The following PDE11A variants were observed in gnomAD, a reference collection of about 807,000 sequenced individuals.
PDE11A encodes the protein phosphodiesterase 11A.
Under a neutral mutation model 100.5 loss-of-function variants are expected in PDE11A, and 100 were observed. That is an observed-to-expected ratio of 1.00 (90% CI 0.85 to 1.18). The LOEUF (loss-of-function observed/expected upper bound fraction) is 1.18, where lower values mean the gene tolerates loss of function less well. Ranked by LOEUF, PDE11A falls within the 50% of genes most tolerant of loss-of-function variation. The probability of loss-of-function intolerance (pLI) is 0.00; values close to 1 mark genes in which losing one functional copy is unlikely to be tolerated. For missense variants in PDE11A, 1,141 were observed against 1,152.6 expected (o/e 0.99, Z 0.15); for synonymous variants, 381 against 420.8 (o/e 0.91, Z 1.16).
At position 177,850,068 on chromosome 2, in the gene PDE11A, C is replaced by T. The variant is rs537187371; in HGVS notation, c.1368-9685G>A. Among the ~76,000 whole-genome samples the T allele has an allele frequency of 7.2e-3, 1,099 of 152,306 alleles. 12 individuals carry two copies. Among genetic ancestry groups the T allele is most frequent in the African/African-American group, 0.025 (1,022 of 41,572 alleles). On this transcript the variant is annotated intron_variant, in intron 5 of 19. Coordinates refer to ENST00000286063, the MANE Select transcript of PDE11A (RefSeq NM_016953.4). Reference sequence around the variant, plus strand: ...TCATATGGAACCAAAAAAGAGCCCACATTGCCAAGTCAATCCTAAGCCAAA... The same window carrying T: ...TCATATGGAACCAAAAAAGAGCCCATATTGCCAAGTCAATCCTAAGCCAAA...
At chr2:177,848,231 G>T (rs1318784219) in intron 5 of PDE11A, among the ~76,000 whole-genome samples, 1 of 152,006 alleles carries the variant, frequency 6.6e-6, no homozygotes, top group Non-Finnish European at 1.5e-5. Flanking sequence ...GATCCCTACA[G>T]TGGGGATATT....
chr2:177,955,831 T>C (rs1436922530), intron 2 of PDE11A, among the ~76,000 whole-genome samples: 2 of 152,162 alleles, frequency 1.3e-5, no homozygotes, highest in African/African-American at 4.8e-5. Context: ...ATTTAATAAA[T>C]GGTGCTGGGA....
intron 3 of PDE11A, among the ~76,000 whole-genome samples, chr2:177,904,129 C>T (rs965127112): frequency 6.6e-6 from 1 of 152,126 alleles, no homozygotes; most frequent in Non-Finnish European, 1.5e-5. Flanking sequence ...TAAGTTGTTA[C>T]AGTAATCTTC....
At chr2:177,884,065 G>T (rs2084388548) in intron 4 of PDE11A, among the ~76,000 whole-genome samples, 1 of 152,218 alleles carries the variant, frequency 6.6e-6, no homozygotes, top group African/African-American at 2.4e-5. Context: ...GCAAAGATCA[G>T]CCCTCAAGGG....
intron 7 of PDE11A, 91 bp from the exon 8 acceptor site, chr2:177,818,016 T>G (rs968062545): frequency 6.8e-6 from 5 of 737,112 alleles, no homozygotes; most frequent in African/African-American, 1.7e-5. Context: ...TATGCCTTTT[T>G]TAAGGAACTG....
chr2:177,915,035 G>T (rs961317884), intron 2 of PDE11A, among the ~76,000 whole-genome samples: 1 of 152,094 alleles, frequency 6.6e-6, no homozygotes, highest in African/African-American at 2.4e-5. Flanking sequence ...TTGTTTTAAA[G>T]AAGTAGATTT....
intron 9 of PDE11A, among the ~76,000 whole-genome samples, chr2:177,772,772 G>A (rs1370629794): frequency 6.6e-6 from 1 of 151,306 alleles, no homozygotes. Context: ...CAGTGAAGCA[G>A]ACAATTATTA....
chr2:177,915,479 A>G (rs190119047), intron 2 of PDE11A, among the ~76,000 whole-genome samples: 2 of 152,346 alleles, frequency 1.3e-5, no homozygotes, highest in East Asian at 3.9e-4. Flanking sequence ...TCTTTTACTT[A>G]GCAATATCCA....
chr2:177,969,886 A>G (rs1343308500), intron 2 of PDE11A, among the ~76,000 whole-genome samples: 1 of 152,158 alleles, frequency 6.6e-6, no homozygotes, highest in Non-Finnish European at 1.5e-5. Context: ...TAATTACTGG[A>G]AATACAATGT....
chr2:177,973,412 C>T (rs542787220), intron 2 of PDE11A, among the ~76,000 whole-genome samples: 2 of 22,254 alleles, frequency 9.0e-5, no homozygotes, highest in South Asian at 2.2e-3. Context: ...GAGACTATAT[C>T]CCACACCTGG....
chr2:178,076,904 C>G (rs1249194059), upstream of PDE11A, among the ~76,000 whole-genome samples: 3 of 152,130 alleles, frequency 2.0e-5, no homozygotes, highest in Non-Finnish European at 2.9e-5. Context: ...GTGGCTGAGG[C>G]TGCTCAGTTT....
intron 1 of PDE11A, among the ~76,000 whole-genome samples, chr2:178,041,368 C>T (rs1478422461): frequency 2.6e-5 from 4 of 151,786 alleles, no homozygotes; most frequent in African/African-American, 4.8e-5. Context: ...CTCAGCCTCC[C>T]GAGTAGCTGG....
In PDE11A at chr2:177,774,135, C is replaced by A. The variant is rs149721241; in HGVS notation, c.1738-4762G>T. Among the ~76,000 whole-genome samples the A allele has an allele frequency of 5.5e-3, 838 of 152,282 alleles. 11 individuals carry two copies. The highest frequency in any genetic ancestry group is 0.019 in the African/African-American group (780 of 41,554). On this transcript the variant is annotated intron_variant, in intron 9 of 19. Transcript: ENST00000286063. ...GTATTGTATCAATTTAGCCATCATG[C>A]GATTCTGACTGGATGTAAATACACA...
At chr2:178,080,773 T>C (rs1333095003) in intron 2 of PDE11A, among the ~76,000 whole-genome samples, 3 of 152,174 alleles carry the variant, frequency 2.0e-5, no homozygotes, top group Admixed American at 6.5e-5. Flanking sequence ...GATTCAAAGA[T>C]GAAATATTAC....
At chr2:178,065,858 T>C (rs1574379035) in intron 1 of PDE11A, among the ~76,000 whole-genome samples, 1 of 152,144 alleles carries the variant, frequency 6.6e-6, no homozygotes, top group African/African-American at 2.4e-5. Flanking sequence ...TAATTCCTCC[T>C]GAGGCAAACA....
rs1381636957 is a variant in PDE11A, at chr2:177,875,138, C to T, written c.1367+721G>A. Among the ~76,000 whole-genome samples, 3 of 151,852 alleles carry T rather than the reference C, an allele frequency of 2.0e-5. No individual in the cohort carries two copies. The East Asian group carries it at 5.9e-4, about 30-fold the overall frequency. ...ACTCAGGTGGCTGAGGCAGGAGAATCGTTTGAACCTGGGAGGCAGAGGCTG... is the reference window on the plus strand; with the variant it reads ...ACTCAGGTGGCTGAGGCAGGAGAATTGTTTGAACCTGGGAGGCAGAGGCTG... On this transcript the variant is annotated intron_variant, in intron 5 of 19. Coordinates refer to ENST00000286063, the MANE Select transcript of PDE11A (RefSeq NM_016953.4).
At chr2:177,934,838 C>T (rs1270712026) in intron 2 of PDE11A, among the ~76,000 whole-genome samples, 3 of 152,190 alleles carry the variant, frequency 2.0e-5, no homozygotes, top group Admixed American at 2.0e-4. Flanking sequence ...TTTGCAGCAA[C>T]ATGGATACAG....
chr2:177,714,296 C>A (rs995195348), intron 12 of PDE11A, among the ~76,000 whole-genome samples: 1 of 152,120 alleles, frequency 6.6e-6, no homozygotes, highest in Non-Finnish European at 1.5e-5. Context: ...CCCAGCCCCC[C>A]ACTATATTTC....
upstream of PDE11A, among the ~76,000 whole-genome samples, chr2:178,075,551 C>CAAAAAAAA (rs397756518): frequency 3.1e-4 from 15 of 47,838 alleles, no homozygotes; most frequent in African/African-American, 1.1e-3. Context: ...GACTCTGTCT[C>CAAAAAAAA]AAAAAAAAAA....
Sources: allele counts gnomAD v4.1 joint callset (sites outside exome capture counted in the v4.1 genomes callset), GRCh38; gene constraint gnomAD v4.1.1; transcripts MANE v1.5; gene names NCBI Gene and HGNC (gene_info 2026-07-23, HGNC 2026-07-21).